Variants in EHBP1 observed in about 807,000 individuals in gnomAD.
The protein encoded by EHBP1 is EH domain-binding protein 1.
A neutral mutation model predicts 144.0 loss-of-function variants in EHBP1; 55 were observed. That is an observed-to-expected ratio of 0.38 (90% CI 0.31 to 0.48). The LOEUF (loss-of-function observed/expected upper bound fraction) is 0.48. Ranked by LOEUF, EHBP1 falls within the 20% of genes least tolerant of loss-of-function variation. The pLI is 0.98. For missense variants in EHBP1, 1,200 were observed against 1,364.2 expected, an observed-to-expected ratio of 0.88 and a Z score of 1.90; for synonymous variants, 469 against 472.7, an observed-to-expected ratio of 0.99 and a Z score of 0.10.
intron 19 of EHBP1, among the ~76,000 whole-genome samples, chr2:63,028,344 T>C (rs188250128): frequency 2.0e-5 from 3 of 152,268 alleles, no homozygotes; most frequent in African/African-American, 7.2e-5. Context: ...AGAAACTTAC[T>C]GTGCAGGCAG....
chr2:62,727,489 C>G (rs2036943192), intron 2 of EHBP1, among the ~76,000 whole-genome samples: 1 of 152,078 alleles, frequency 6.6e-6, no homozygotes, highest in Admixed American at 6.5e-5. Context: ...ACTCCCCTCC[C>G]CACTCAACCC....
chr2:62,816,304 T>G (rs930198211), intron 5 of EHBP1, among the ~76,000 whole-genome samples: 1 of 152,232 alleles, frequency 6.6e-6, no homozygotes, highest in African/African-American at 2.4e-5. Context: ...TATTAAATTA[T>G]TTTCTATAGA....
At position 62,902,234 on chromosome 2, in the gene EHBP1, T is replaced by C. The variant is rs186373973; in HGVS notation, c.1185+27702T>C. On this transcript the variant is annotated intron_variant, in intron 10 of 22. Coordinates refer to ENST00000431489, the MANE Select transcript of EHBP1 (RefSeq NM_001142616.3). ...TATGCATGAATAAATACGATTAAGG[T>C]ATGAATTTTTCAACAATGAAAAAAG... Among the ~76,000 whole-genome samples, 74 of 152,170 alleles carry C rather than the reference T, an allele frequency of 4.9e-4. 1 individual carries two copies. The highest frequency in any genetic ancestry group is 1.6e-3 in the African/African-American group (66 of 41,482).
rs577402614 is a variant in EHBP1, at chr2:62,889,208, C to T, written c.1185+14676C>T. 4.0e-5 allele frequency among the ~76,000 whole-genome samples: 6 copies of T among 150,792 alleles called. No individual in the cohort carries two copies. In the South Asian group the frequency reaches 8.4e-4, roughly 21 times the overall value. On this transcript the variant is annotated intron_variant, in intron 10 of 22. Transcript: ENST00000431489. ...CCTCCCTAGTTAGTAGCCGCTTTGC[C>T]CACTTTTTAATGGGGTTGTTTGGTG...
intron 10 of EHBP1, among the ~76,000 whole-genome samples, chr2:62,928,135 C>G (rs2055679082): frequency 6.6e-6 from 1 of 152,114 alleles, no homozygotes; most frequent in East Asian, 1.9e-4. Flanking sequence ...CATTCAAATA[C>G]AAGAAAGGGA....
At chr2:62,950,228 C>T (rs2057304228) in intron 13 of EHBP1, among the ~76,000 whole-genome samples, 1 of 151,936 alleles carries the variant, frequency 6.6e-6, no homozygotes, top group Non-Finnish European at 1.5e-5. Flanking sequence ...TGAAGTTCTC[C>T]AAGTCCCTTT....
At chr2:62,787,357 C>T (rs931889023) in intron 5 of EHBP1, among the ~76,000 whole-genome samples, 4 of 151,474 alleles carry the variant, frequency 2.6e-5, no homozygotes, top group African/African-American at 9.7e-5. Flanking sequence ...ATGGATACTC[C>T]TGTTGCCCCT....
At chr2:62,813,689 G>A (rs1405388803) in intron 5 of EHBP1, among the ~76,000 whole-genome samples, 1 of 152,192 alleles carries the variant, frequency 6.6e-6, no homozygotes, top group Non-Finnish European at 1.5e-5. Context: ...GCCCCAGTGT[G>A]CCTAGGATGT....
At chr2:62,937,158 A>T (rs577037929) in intron 10 of EHBP1, among the ~76,000 whole-genome samples, 2 of 152,302 alleles carry the variant, frequency 1.3e-5, no homozygotes, top group South Asian at 4.1e-4. Context: ...TCTGAAGACA[A>T]TAAGAAGTTG....
chr2:62,827,680 T>G (rs1457123591), intron 6 of EHBP1, among the ~76,000 whole-genome samples: 2 of 152,132 alleles, frequency 1.3e-5, no homozygotes, highest in Admixed American at 6.5e-5. Context: ...ACTTTTTTTT[T>G]TTTTTGAGAC....
chr2:62,879,546 A>AACAC (rs70962798), intron 10 of EHBP1, among the ~76,000 whole-genome samples: 8,590 of 133,666 alleles, frequency 0.064, 339 homozygotes, highest in East Asian at 0.2. Flanking sequence ...TATTCACAAT[A>AACAC]ACACACACAC....
intron 14 of EHBP1, among the ~76,000 whole-genome samples, chr2:62,968,133 G>GT (rs1178678583): frequency 6.6e-6 from 1 of 152,214 alleles, no homozygotes; most frequent in Non-Finnish European, 1.5e-5. Context: ...ACTGTCAGCA[G>GT]TTTTTTTGGG....
chr2:62,939,314 G>A (rs982012935), intron 10 of EHBP1, among the ~76,000 whole-genome samples: 2 of 151,960 alleles, frequency 1.3e-5, no homozygotes, highest in African/African-American at 2.4e-5. Flanking sequence ...TCGCTCTGTC[G>A]CCCAGGCTGG....
intron 10 of EHBP1, among the ~76,000 whole-genome samples, chr2:62,905,053 A>T (rs546074364): frequency 3.9e-5 from 6 of 152,310 alleles, no homozygotes; most frequent in Admixed American, 2.0e-4. Context: ...TCATCACCAG[A>T]TTTCTTTCTA....
rs202065070 is a variant in EHBP1, at chr2:62,996,675, A to G, written c.3012A>G (p.Val1004=). 1.9e-5 allele frequency: 31 copies of G among 1,613,310 alleles called. 1 individual carries two copies. The Middle Eastern group carries it at 4.9e-4, about 26-fold the overall frequency. ...TCAAAGACACCAGTCAGTATGTAGT[A>G]GGAGAATTGGCAGCACTAGAGAATG... ...KGFKDTSQYV[V]GELAALENEQ... The change falls in exon 19 of 23, where the codon GTA becomes GTG. Residue 1004 remains valine, a synonymous_variant. Transcript: ENST00000431489.
chr2:62,977,448 C>G (rs2058767168), intron 14 of EHBP1, among the ~76,000 whole-genome samples: 1 of 152,088 alleles, frequency 6.6e-6, no homozygotes, highest in Admixed American at 6.6e-5. Flanking sequence ...CGATCTCTAC[C>G]CATTCCAAAT....
chr2:62,707,255 G>A lies in EHBP1; in HGVS notation c.64G>A (p.Ala22Thr), dbSNP rs1485801466. The change falls in exon 2 of 23, where the codon GCC becomes ACC. Residue 22 changes from alanine to threonine, a missense_variant. Around this residue, in one of 6 missense-constraint regions of EHBP1, gnomAD observed 137 missense variants for 190.1 expected, o/e 0.72. Coordinates refer to ENST00000431489, the MANE Select transcript of EHBP1 (RefSeq NM_001142616.3). ...GKHASKFQFV[A>T]SYQELMVECT... is the part of the protein sequence containing the mutation. ...ACATGCATCCAAGTTCCAGTTTGTG[G>A]CCTCCTACCAGGAGCTCATGGTTGA... 1.9e-6 allele frequency: 3 copies of A among 1,614,148 alleles called. No homozygotes were observed. Among genetic ancestry groups the A allele is most frequent in the Admixed American group, 1.7e-5 (1 of 60,028 alleles).
intron 16 of EHBP1, among the ~76,000 whole-genome samples, chr2:62,992,569 G>C (rs1362333976): frequency 6.6e-6 from 1 of 152,130 alleles, no homozygotes; most frequent in Non-Finnish European, 1.5e-5. Context: ...CTGTTCTCTT[G>C]AAGCTTTCAG....
chr2:62,873,506 C>G (rs1265087440), intron 9 of EHBP1, among the ~76,000 whole-genome samples: 2 of 151,818 alleles, frequency 1.3e-5, no homozygotes, highest in Non-Finnish European at 2.9e-5. Context: ...CAACATATAT[C>G]TAATAAGATA....
Sources: allele counts gnomAD v4.1 joint callset (sites outside exome capture counted in the v4.1 genomes callset), GRCh38; gene constraint gnomAD v4.1.1; regional missense constraint gnomAD v4.1.1; transcripts MANE v1.5; gene names NCBI Gene and HGNC (gene_info 2026-07-23, HGNC 2026-07-21).